The following HNRNPU variants were observed in gnomAD, a reference collection of about 807,000 sequenced individuals.
HNRNPU encodes the protein heterogeneous nuclear ribonucleoprotein U.
HNRNPU carries 5 observed loss-of-function variants against 94.7 expected under a neutral mutation model. The ratio of observed to expected loss-of-function variants is 0.05; its 90% confidence interval spans 0.03 to 0.11. The LOEUF is 0.11. Ranked by LOEUF, HNRNPU falls within the 10% of genes least tolerant of loss-of-function variation. The pLI is 1.00. For synonymous variants in HNRNPU, 434 were observed against 381.6 expected (o/e 1.14, Z -1.60); for missense variants, 710 against 1,049.2 (o/e 0.68, Z 4.47).
chr1:244,863,565 C>T (rs1375702211), intron 1 of HNRNPU, 52 bp downstream of exon 1: 2 of 1,362,916 alleles, frequency 1.5e-6, no homozygotes, highest in East Asian at 6.1e-5. Flanking sequence ...GGGGCACGGT[C>T]CCCACCCCGC....
chr1:244,856,405 A>T, intron 10 of HNRNPU, 52 bp downstream of exon 10: 1 of 1,541,298 alleles, frequency 6.5e-7, no homozygotes, highest in Non-Finnish European at 8.8e-7. Flanking sequence ...TGTAGGAAAA[A>T]CATTCTTTTA....
rs1206290880 is a variant in HNRNPU, at chr1:244,856,113, G to A, written c.1958C>T (p.Thr653Ile). The A allele has an allele frequency of 3.1e-6, 5 of 1,613,372 alleles. No homozygotes were observed. Among genetic ancestry groups the A allele is most frequent in the East Asian group, 2.2e-5 (1 of 44,880 alleles). Residue 653 changes from threonine to isoleucine, a missense_variant, in exon 11 of 14, where the codon ACC becomes ATC. This residue lies in a region of HNRNPU where 152 missense variants were observed against 238.9 expected (regional missense o/e 0.64). Coordinates refer to ENST00000640218, the MANE Select transcript of HNRNPU (RefSeq NM_031844.3). ...PEVAECFDEITYVELQKEEAQ... is the reference protein window; with the variant it reads ...PEVAECFDEIIYVELQKEEAQ... ...TTCTTCCTTCTGAAGTTCAACATAG[G>A]TTATTTCATCAAAGCACTCAGCTAC...
In HNRNPU at chr1:244,855,356, T is replaced by C. The variant is rs992382773; in HGVS notation, c.2352+68A>G. On this transcript the variant is annotated intron_variant, in intron 12 of 13. Transcript: ENST00000640218. ...TACGGATTACTAAGACACCCCAACATAAAGCTCACACCTTTCCAGACTAAG... is the reference window on the plus strand; with the variant it reads ...TACGGATTACTAAGACACCCCAACACAAAGCTCACACCTTTCCAGACTAAG... The C allele has an allele frequency of 2.0e-6, 3 of 1,467,424 alleles. No individual in the cohort carries two copies. In the African/African-American group the frequency reaches 4.2e-5, roughly 20 times the overall value. The allele number at this position is 1,467,424 out of a possible 1,614,324, so 90.9% of individuals were successfully genotyped here.
intron 4 of HNRNPU, chr1:244,860,014 A>G (rs1680784324): frequency 8.7e-6 from 2 of 230,224 alleles, no homozygotes; most frequent in South Asian, 1.4e-4. Flanking sequence ...AAAAGGAAAA[A>G]AAAAGGCTGG....
At chr1:244,862,587 G>C in intron 2 of HNRNPU, 32 bp downstream of exon 2, 25 of 1,606,490 alleles carry the variant, frequency 1.6e-5, no homozygotes, top group Non-Finnish European at 2.1e-5. Flanking sequence ...GAACGAATAA[G>C]GGATGAGTAA....
chr1:244,862,890 G>C, intron 1 of HNRNPU, 160 bp from the exon 2 acceptor site: 2 of 657,858 alleles, frequency 3.0e-6, no homozygotes, highest in Non-Finnish European at 5.5e-6. Flanking sequence ...CTACGAATTC[G>C]ATTGGCGCTA....
chr1:244,862,059 AGTC>A (rs1347433737), intron 3 of HNRNPU: 1 of 162,258 alleles, frequency 6.2e-6, no homozygotes, highest in Non-Finnish European at 1.3e-5. Flanking sequence ...TAATGGGAGA[AGTC>A]ATTAGTAAAT....
rs115917666 is a variant in HNRNPU, at chr1:244,856,724, G to A, written c.1743+4C>T. 2.5e-5 allele frequency: 41 copies of A among 1,610,832 alleles called. No individual in the cohort carries two copies. The highest frequency in any genetic ancestry group is 1.3e-4 in the South Asian group (12 of 90,146). On this transcript the variant is annotated splice_donor_region_variant and intron_variant, in intron 9 of 13. Coordinates refer to ENST00000640218, the MANE Select transcript of HNRNPU (RefSeq NM_031844.3). ...TATTTTTCAATTTCAAAGCTACAGCGTACCTGATCCAGAATAAAATTTCGC... is the reference window on the plus strand; with the variant it reads ...TATTTTTCAATTTCAAAGCTACAGCATACCTGATCCAGAATAAAATTTCGC...
rs536504176 is a variant in HNRNPU, at chr1:244,853,342, T to A, written c.*1108A>T. The A allele has an allele frequency of 6.5e-6, 1 of 152,720 alleles. No individual in the cohort carries two copies. Among genetic ancestry groups the A allele is most frequent in the South Asian group, 2.1e-4 (1 of 4,828 alleles). The allele number at this position is 152,720 out of a possible 1,614,324, so 9.5% of individuals were successfully genotyped here. A position where few individuals can be genotyped will look rare whatever the true frequency, so the allele number is the denominator to read the frequency against. ...AATAAATTTCTCCTCTTGGGAGTTA[T>A]ATAAAGGGATTTTGAACCTTGATGG... On this transcript the variant is annotated 3_prime_UTR_variant, in exon 14 of 14. Transcript: ENST00000640218.
rs772147656 is a variant in HNRNPU, at chr1:244,864,044, T to TTCCTCC, written c.258_263dup (p.Glu93_Glu94dup). On this transcript the variant is annotated inframe_insertion, in exon 1 of 14. Coordinates refer to ENST00000640218, the MANE Select transcript of HNRNPU (RefSeq NM_031844.3). ...AGATTCCTTCCTCCTCCTCTTCCTCTTCCTCCTCCTCTTCATCGCCGCCGG... is the reference window on the plus strand; with the variant it reads ...AGATTCCTTCCTCCTCCTCTTCCTCTTCCTCCTCCTCCTCCTCTTCATCGCCGCCGG... 6.2e-7 allele frequency: 1 copy of TTCCTCC among 1,609,498 alleles called. No homozygotes were observed. The highest frequency in any genetic ancestry group is 8.5e-7 in the Non-Finnish European group (1 of 1,178,166).
At position 244,863,002 on chromosome 1, in the gene HNRNPU, C is replaced by A. The variant is rs760213517; in HGVS notation, c.692-272G>T. 429 of 437,338 alleles carry A rather than the reference C, an allele frequency of 9.8e-4. 3 individuals are homozygous for A. The highest frequency in any genetic ancestry group is 1.3e-3 in the Non-Finnish European group (321 of 244,086). 27.1% of individuals were successfully genotyped at this position (437,338 alleles called of 1,614,324 possible). A position where few individuals can be genotyped will look rare whatever the true frequency, so the allele number is the denominator to read the frequency against. On this transcript the variant is annotated intron_variant, in intron 1 of 13. Coordinates refer to ENST00000640218, the MANE Select transcript of HNRNPU (RefSeq NM_031844.3). ...CCCAGGCCCGAAGCCCACGTGTATC[C>A]CGAAGAGAGCGCAGAGAGGGGGAGG...
intron 3 of HNRNPU, chr1:244,862,170 A>T (rs544319325): frequency 6.2e-6 from 2 of 324,922 alleles, no homozygotes; most frequent in Non-Finnish European, 1.1e-5. Context: ...GTAGTGTTAC[A>T]AGTTTCCGTT....
At chr1:244,859,448 G>T (rs1680769204) in intron 4 of HNRNPU, 74 bp from the exon 5 acceptor site, 3 of 720,954 alleles carry the variant, frequency 4.2e-6, no homozygotes, top group Non-Finnish European at 7.4e-6. Flanking sequence ...ATATTTCATT[G>T]CGCCACGGGC....
At position 244,854,962 on chromosome 1, in the gene HNRNPU, A is replaced by T. The variant is rs761344499; in HGVS notation, c.2424+11T>A. Reference sequence around the variant, plus strand: ...AATTAATGTACATAAAGCACATAAGAAATTACTTACACCCTGCTGCCACTG... The same window carrying T: ...AATTAATGTACATAAAGCACATAAGTAATTACTTACACCCTGCTGCCACTG... On this transcript the variant is annotated intron_variant, in intron 13 of 13. Transcript: ENST00000640218. 4 of 1,599,268 alleles carry T rather than the reference A, an allele frequency of 2.5e-6. No individual in the cohort carries two copies. In the East Asian group the frequency reaches 8.9e-5, roughly 36 times the overall value.
chr1:244,862,307 A>T, intron 3 of HNRNPU, 154 bp downstream of exon 3: 1 of 592,930 alleles, frequency 1.7e-6, no homozygotes, highest in South Asian at 2.2e-5. Flanking sequence ...GCTAAATATT[A>T]AACTACTAGG....
At chr1:244,859,569 C>A in intron 4 of HNRNPU, 195 bp from the exon 5 acceptor site, 1 of 392,784 alleles carries the variant, frequency 2.5e-6, no homozygotes, top group Non-Finnish European at 4.5e-6. Flanking sequence ...GAGTTAAATA[C>A]TTATTTGACC....
Position 244,854,190 on chromosome 1 carries a change from G to T in HNRNPU, c.*260C>A. 1 of 337,500 alleles carries T rather than the reference G, an allele frequency of 3.0e-6. No homozygotes were observed. The allele number at this position is 337,500 out of a possible 1,614,324, so 20.9% of individuals were successfully genotyped here. On this transcript the variant is annotated 3_prime_UTR_variant, in exon 14 of 14. Transcript: ENST00000640218. ...AAAAAAAAAAAAGTCACATTTTACA[G>T]ATAAAATGTAGAACCCTGAAATACT...
chr1:244,855,333 C>A, intron 12 of HNRNPU, 91 bp downstream of exon 12: 1 of 1,218,662 alleles, frequency 8.2e-7, no homozygotes, highest in Non-Finnish European at 1.2e-6. Context: ...ATGTTCCTTA[C>A]GGATTACTAA....
chr1:244,854,830 C>A, intron 13 of HNRNPU, 143 bp downstream of exon 13: 1 of 645,274 alleles, frequency 1.5e-6, no homozygotes, highest in Non-Finnish European at 2.6e-6. Flanking sequence ...TAGATTATGG[C>A]TACTACTGCA....
Sources: allele counts gnomAD v4.1 joint callset, GRCh38; gene constraint gnomAD v4.1.1; regional missense constraint gnomAD v4.1.1; transcripts MANE v1.5; gene names NCBI Gene and HGNC (gene_info 2026-07-23, HGNC 2026-07-21).